SLC35F3: variants seen among roughly 807,000 people sequenced by gnomAD.
The protein encoded by SLC35F3 is solute carrier family 35 member F3.
Under a neutral mutation model 49.9 loss-of-function variants are expected in SLC35F3, and 25 were observed. The ratio of observed to expected loss-of-function variants is 0.50; its 90% CI spans 0.37 to 0.70. SLC35F3 has a LOEUF of 0.70. Among genes scored for constraint, SLC35F3 ranks in the 30% least tolerant of loss-of-function variants. The pLI is 0.00. For synonymous variants in SLC35F3, 275 were observed against 265.4 expected (o/e 1.04, Z -0.35); for missense variants, 525 against 639.8 (o/e 0.82, Z 1.94).
chr1:234,074,926 T>C (rs1207420702), intron 2 of SLC35F3, among the ~76,000 whole-genome samples: 2 of 152,090 alleles, frequency 1.3e-5, no homozygotes, highest in East Asian at 3.9e-4. Flanking sequence ...ATAAGGAAAG[T>C]CAACTAAAGG....
intron 2 of SLC35F3, among the ~76,000 whole-genome samples, chr1:233,956,535 C>G (rs1662707438): frequency 6.6e-6 from 1 of 152,184 alleles, no homozygotes; most frequent in Non-Finnish European, 1.5e-5. Flanking sequence ...TTTCTTCTTC[C>G]CCTATGGAAG....
intron 2 of SLC35F3, among the ~76,000 whole-genome samples, chr1:233,988,812 C>T (rs368358956): frequency 6.6e-6 from 1 of 152,150 alleles, no homozygotes; most frequent in Non-Finnish European, 1.5e-5. Flanking sequence ...TTCTGCCAAG[C>T]CTTACCAGAT....
intron 3 of SLC35F3, among the ~76,000 whole-genome samples, chr1:234,286,038 T>A (rs1413057481): frequency 6.6e-6 from 1 of 152,222 alleles, no homozygotes; most frequent in Non-Finnish European, 1.5e-5. Flanking sequence ...AAACTTACAT[T>A]TGTAAAAGTT....
chr1:233,989,442 C>T (rs4920203), intron 2 of SLC35F3, among the ~76,000 whole-genome samples: 36,535 of 151,958 alleles, frequency 0.24, 4,830 homozygotes, highest in East Asian at 0.49. Flanking sequence ...TAAGCTGTGG[C>T]CTTCTCTGTT....
intron 2 of SLC35F3, among the ~76,000 whole-genome samples, chr1:234,185,841 G>C (rs541851897): frequency 1.1e-3 from 171 of 152,322 alleles, no homozygotes; most frequent in African/African-American, 4.0e-3. Flanking sequence ...TGTTTGCTCT[G>C]TTATTATCCC....
chr1:233,956,895 C>T (rs1223599266), intron 2 of SLC35F3, among the ~76,000 whole-genome samples: 1 of 152,194 alleles, frequency 6.6e-6, no homozygotes, highest in Non-Finnish European at 1.5e-5. Context: ...CACACAGGTG[C>T]CCCCGCCTAG....
At chr1:234,241,208 G>A (rs1483103241) in intron 3 of SLC35F3, among the ~76,000 whole-genome samples, 4 of 151,972 alleles carry the variant, frequency 2.6e-5, no homozygotes, top group Non-Finnish European at 2.9e-5. Flanking sequence ...GACATTATAC[G>A]GGCTTCCCAA....
intron 2 of SLC35F3, among the ~76,000 whole-genome samples, chr1:233,938,014 A>G (rs1164772759): frequency 5.9e-5 from 9 of 152,210 alleles, no homozygotes; most frequent in Non-Finnish European, 5.9e-5. Flanking sequence ...ATTAAATTAT[A>G]GGTGACAGAA....
chr1:234,184,521 C>A (rs1227396299), intron 2 of SLC35F3, among the ~76,000 whole-genome samples: 1 of 152,174 alleles, frequency 6.6e-6, no homozygotes. Context: ...TGAGACCTGA[C>A]ATTTTGTCTT....
At position 234,174,894 on chromosome 1, in the gene SLC35F3, G is replaced by A. The variant is rs184756453; in HGVS notation, c.284-56523G>A. Among the ~76,000 whole-genome samples the A allele has an allele frequency of 5.9e-5, 9 of 152,354 alleles. No homozygotes were observed. The East Asian group carries it at 1.3e-3, about 23-fold the overall frequency. ...GCTTTCACCAAGGGACCAAGGGAAT[G>A]TTAGGCAGGGAATGAAGGAGAGAAG... On this transcript the variant is annotated intron_variant, in intron 2 of 7. Transcript: ENST00000366618.
At position 234,219,016 on chromosome 1, in the gene SLC35F3, G is replaced by A. The variant is rs552445482; in HGVS notation, c.284-12401G>A. On this transcript the variant is annotated intron_variant, in intron 2 of 7. Transcript: ENST00000366618. Reference sequence around the variant, plus strand: ...GTGAGCCCAGATCATGCCACTGCACGCCAGCCTGGTGACCTGGTGACATAG... The same window carrying A: ...GTGAGCCCAGATCATGCCACTGCACACCAGCCTGGTGACCTGGTGACATAG... Among the ~76,000 whole-genome samples, 51 of 129,210 alleles carry A rather than the reference G, an allele frequency of 3.9e-4. No individual in the cohort carries two copies. In the South Asian group the frequency reaches 8.3e-3, roughly 21 times the overall value. 84.8% of individuals were successfully genotyped at this position (129,210 alleles called of 152,430 possible). A position where few individuals can be genotyped will look rare whatever the true frequency, so the allele number is the denominator to read the frequency against.
chr1:234,275,899 A>G (rs931743117), intron 3 of SLC35F3, among the ~76,000 whole-genome samples: 5 of 152,116 alleles, frequency 3.3e-5, no homozygotes, highest in African/African-American at 1.2e-4. Context: ...ATAAGAACTC[A>G]GTAGAGTAGG....
chr1:234,110,604 T>C (rs1215502005), intron 2 of SLC35F3, among the ~76,000 whole-genome samples: 1 of 152,256 alleles, frequency 6.6e-6, no homozygotes, highest in Non-Finnish European at 1.5e-5. Flanking sequence ...CCAATCTTTT[T>C]AGTAAGCAAA....
At chr1:234,140,703 A>G (rs1370576833) in intron 2 of SLC35F3, among the ~76,000 whole-genome samples, 1 of 152,190 alleles carries the variant, frequency 6.6e-6, no homozygotes, top group Non-Finnish European at 1.5e-5. Flanking sequence ...AATGGAAACT[A>G]TGCGATGTAT....
intron 3 of SLC35F3, among the ~76,000 whole-genome samples, chr1:234,259,511 G>C (rs928056628): frequency 1.3e-5 from 2 of 152,000 alleles, no homozygotes; most frequent in South Asian, 4.2e-4. Context: ...CAAACATAAA[G>C]AAGCCATCTT....
intron 2 of SLC35F3, among the ~76,000 whole-genome samples, chr1:234,014,149 T>C (rs1427524629): frequency 6.6e-6 from 1 of 152,202 alleles, no homozygotes; most frequent in Non-Finnish European, 1.5e-5. Flanking sequence ...TGTAATCAAG[T>C]GGGATTTATT....
intron 3 of SLC35F3, among the ~76,000 whole-genome samples, chr1:234,247,033 A>G (rs1190154156): frequency 1.3e-5 from 2 of 152,190 alleles, no homozygotes; most frequent in African/African-American, 4.8e-5. Flanking sequence ...AGACCCAGTT[A>G]CCAGTTCATG....
intron 2 of SLC35F3, among the ~76,000 whole-genome samples, chr1:233,967,068 A>G (rs1210903129): frequency 6.6e-6 from 1 of 152,218 alleles, no homozygotes; most frequent in Non-Finnish European, 1.5e-5. Flanking sequence ...ACTAAATTAT[A>G]TTTTAATTTC....
intron 3 of SLC35F3, among the ~76,000 whole-genome samples, chr1:234,302,591 A>G (rs2102990939): frequency 6.6e-6 from 1 of 152,266 alleles, no homozygotes; most frequent in Admixed American, 6.5e-5. Flanking sequence ...AAAAGCTTAG[A>G]CATGTTTAAA....
Sources: allele counts gnomAD v4.1 joint callset (sites outside exome capture counted in the v4.1 genomes callset), GRCh38; gene constraint gnomAD v4.1.1; transcripts MANE v1.5; gene names NCBI Gene and HGNC (gene_info 2026-07-23, HGNC 2026-07-21).